The following ANO4 variants were observed in gnomAD, a reference collection of about 807,000 sequenced individuals.
The protein encoded by ANO4 is anoctamin-4.
ANO4 carries 69 observed loss-of-function variants against 141.9 expected under a neutral mutation model. The ratio of observed to expected loss-of-function variants is 0.49; its 90% CI spans 0.40 to 0.59. ANO4 has a LOEUF of 0.59. Ranked by LOEUF, ANO4 falls within the 20% of genes least tolerant of loss-of-function variation. The pLI is 0.00. For missense variants in ANO4, 894 were observed against 1,162.2 expected, an observed-to-expected ratio of 0.77 and a Z score of 3.36; for synonymous variants, 350 against 394.3, an observed-to-expected ratio of 0.89 and a Z score of 1.33.
chr12:100,718,249 G>C (rs1375158802), intron 1 of ANO4, among the ~76,000 whole-genome samples: 1 of 152,182 alleles, frequency 6.6e-6, no homozygotes, highest in African/African-American at 2.4e-5. Flanking sequence ...TAGCGCGCTG[G>C]GGAAGCCAGC....
chr12:101,113,163 C>T (rs762740699), intron 24 of ANO4, among the ~76,000 whole-genome samples: 21 of 152,146 alleles, frequency 1.4e-4, no homozygotes, highest in Non-Finnish European at 2.9e-4. Flanking sequence ...GGTGGAGCCT[C>T]GACTCACTCT....
chr12:100,972,444 G>C (rs2043972604), intron 6 of ANO4, among the ~76,000 whole-genome samples: 1 of 152,126 alleles, frequency 6.6e-6, no homozygotes, highest in East Asian at 1.9e-4. Flanking sequence ...CAAAATAGAG[G>C]CTATGATTTC....
chr12:100,824,970 A>G (rs182958335), intron 1 of ANO4, among the ~76,000 whole-genome samples: 93 of 152,128 alleles, frequency 6.1e-4, no homozygotes, highest in African/African-American at 2.1e-3. Context: ...TTTCATGCAA[A>G]TTGTGCATAG....
At chr12:100,773,150 T>C (rs1314878704) in intron 3 of ANO4, among the ~76,000 whole-genome samples, 5 of 152,212 alleles carry the variant, frequency 3.3e-5, no homozygotes, top group Non-Finnish European at 7.3e-5. Flanking sequence ...TGCTTCCTCA[T>C]TCACAGATGG....
chr12:100,863,415 G>T (rs2038586319), intron 1 of ANO4, among the ~76,000 whole-genome samples: 1 of 152,152 alleles, frequency 6.6e-6, no homozygotes. Flanking sequence ...CAGCTCAAGT[G>T]TTAACTCTAA....
At chr12:101,041,683 A>G (rs1264970138) in intron 11 of ANO4, among the ~76,000 whole-genome samples, 1 of 152,206 alleles carries the variant, frequency 6.6e-6, no homozygotes, top group Non-Finnish European at 1.5e-5. Context: ...CATACTTGAA[A>G]CATCGAGAAA....
chr12:100,767,744 G>A lies in ANO4; in HGVS notation c.358+27639G>A, dbSNP rs569989083. 8.5e-5 allele frequency among the ~76,000 whole-genome samples: 13 copies of A among 152,310 alleles called. 1 individual carries two copies. Among genetic ancestry groups the A allele is most frequent in the African/African-American group, 3.1e-4 (13 of 41,570 alleles). On this transcript the variant is annotated intron_variant, in intron 3 of 29. Coordinates refer to the ANO4 transcript ENST00000644049. ...ATAATTTTGGACCATATTAGACCAT[G>A]GATTACTGAAACTTTGGAAAGCAAA...
intron 1 of ANO4, among the ~76,000 whole-genome samples, chr12:100,874,980 G>T (rs751570183): frequency 1.3e-5 from 2 of 152,128 alleles, no homozygotes; most frequent in African/African-American, 2.4e-5. Context: ...CAGGCTCCTA[G>T]GCAGAAGGGA....
intron 15 of ANO4, among the ~76,000 whole-genome samples, chr12:101,081,004 C>CAT (rs968116677): frequency 3.1e-5 from 4 of 128,528 alleles, no homozygotes; most frequent in Admixed American, 2.6e-4. Flanking sequence ...AAAAAATATA[C>CAT]ATATATATAT....
At chr12:100,783,954 A>C (rs1164977016) in intron 3 of ANO4, among the ~76,000 whole-genome samples, 2 of 150,282 alleles carry the variant, frequency 1.3e-5, no homozygotes, top group Non-Finnish European at 3.0e-5. Flanking sequence ...GACCTAACCT[A>C]ATTTGTGGAG....
chr12:100,951,261 G>A (rs1199947451), intron 5 of ANO4, among the ~76,000 whole-genome samples: 1 of 152,150 alleles, frequency 6.6e-6, no homozygotes, highest in Admixed American at 6.5e-5. Flanking sequence ...CAATCACTGT[G>A]GAAAGCAGTG....
chr12:100,842,071 C>CCCCCA (rs2037291140), intron 1 of ANO4: 1 of 114,982 alleles, frequency 8.7e-6, no homozygotes, highest in Admixed American at 8.5e-5. Flanking sequence ...ACCCCCCCCC[C>CCCCCA]CCCCCCACTG....
chr12:100,879,042 T>C (rs821851), intron 1 of ANO4, among the ~76,000 whole-genome samples: 33,701 of 152,070 alleles, frequency 0.22, 4,082 homozygotes, highest in African/African-American at 0.31. Flanking sequence ...CTTTTATCTC[T>C]ATATTGGGGT....
intron 5 of ANO4, among the ~76,000 whole-genome samples, chr12:100,961,738 T>G (rs1339806173): frequency 6.6e-6 from 1 of 152,230 alleles, no homozygotes; most frequent in Admixed American, 6.5e-5. Flanking sequence ...CTTCAAAATC[T>G]GGTGTGTACT....
At chr12:100,809,339 A>G (rs890956345) in intron 1 of ANO4, among the ~76,000 whole-genome samples, 1 of 151,530 alleles carries the variant, frequency 6.6e-6, no homozygotes, top group Non-Finnish European at 1.5e-5. Context: ...GTCAGCAGAG[A>G]TCGCCCCACT....
At chr12:100,902,578 C>T (rs1444571574) in intron 2 of ANO4, among the ~76,000 whole-genome samples, 7 of 152,298 alleles carry the variant, frequency 4.6e-5, no homozygotes, top group South Asian at 2.1e-4. Context: ...ATAACTCTCA[C>T]CCAATCCTGA....
At chr12:100,972,756 A>G (rs1340084955) in intron 6 of ANO4, among the ~76,000 whole-genome samples, 1 of 152,202 alleles carries the variant, frequency 6.6e-6, no homozygotes, top group Non-Finnish European at 1.5e-5. Flanking sequence ...ACCCTACAAA[A>G]TATGTCTAGA....
At chr12:100,978,970 G>A (rs144790207) in intron 7 of ANO4, among the ~76,000 whole-genome samples, 98 of 152,324 alleles carry the variant, frequency 6.4e-4, no homozygotes, top group Non-Finnish European at 1.1e-3. Context: ...CAGTGTGGGA[G>A]TCAGCATGAC....
At chr12:100,886,588 T>C (rs962155094) in intron 1 of ANO4, among the ~76,000 whole-genome samples, 1 of 152,126 alleles carries the variant, frequency 6.6e-6, no homozygotes, top group African/African-American at 2.4e-5. Context: ...TGTGAAGCCT[T>C]CCCTGGTAGC....
Sources: gnomAD v4.1 joint callset for allele counts (sites outside exome capture counted in the v4.1 genomes callset) on GRCh38, gnomAD v4.1.1 for gene constraint, MANE v1.5 for transcripts, NCBI Gene and HGNC (gene_info 2026-07-23, HGNC 2026-07-21) for gene names.